Variants in PAPPA2 observed in about 807,000 individuals in gnomAD.
The protein encoded by PAPPA2 is pappalysin 2, also known as pappalysin-2.
Under a neutral mutation model 176.4 loss-of-function variants are expected in PAPPA2, and 86 were observed. The observed-to-expected ratio is 0.49, with a 90% confidence interval of 0.41 to 0.58. The LOEUF (loss-of-function observed/expected upper bound fraction) is 0.58. Among genes scored for constraint, PAPPA2 ranks in the 20% least tolerant of loss-of-function variants. The pLI is 0.00. For synonymous variants in PAPPA2, 809 were observed against 852.2 expected (o/e 0.95, Z 0.88); for missense variants, 2,073 against 2,256.9 (o/e 0.92, Z 1.65).
intron 3 of PAPPA2, among the ~76,000 whole-genome samples, chr1:176,628,946 T>C (rs1487826414): frequency 1.3e-5 from 2 of 152,248 alleles, no homozygotes; most frequent in Non-Finnish European, 2.9e-5. Flanking sequence ...TTGTGATTTA[T>C]GCTACCCATG....
chr1:176,562,036 T>G (rs1651703822), intron 2 of PAPPA2, among the ~76,000 whole-genome samples: 2 of 152,140 alleles, frequency 1.3e-5, no homozygotes, highest in Admixed American at 1.3e-4. Context: ...ATGATTCAAT[T>G]ACCTCCCACC....
In PAPPA2 at chr1:176,793,622, A is replaced by G. The variant is rs759562559; in HGVS notation, c.5083A>G (p.Ile1695Val). ...TGACCCCGTGATGCTACCTGAGAAT[A>G]TCACTGCTGACACTCTGGAGCACTG... ...PSDPVMLPEN[I>V]TADTLEHWME... The change falls in exon 20 of 23, where the codon ATC (isoleucine) becomes GTC (valine). Residue 1695 changes from isoleucine (I) to valine (V), a missense_variant. Physicochemically the swap from Ile to Val is conservative, Grantham distance 29 (BLOSUM62 3). Transcript: ENST00000367662. The G allele has an allele frequency of 7.4e-6, 12 of 1,613,148 alleles. No homozygotes were observed. The Admixed American group carries it at 8.3e-5, about 11-fold the overall frequency.
chr1:176,722,410 A>C (rs957330771), intron 12 of PAPPA2, among the ~76,000 whole-genome samples: 2 of 134,998 alleles, frequency 1.5e-5, no homozygotes, highest in African/African-American at 2.8e-5. Flanking sequence ...GTGAGCCTTT[A>C]TACATTTCCT....
chr1:176,545,268 G>C (rs1650571317), intron 1 of PAPPA2, among the ~76,000 whole-genome samples: 1 of 152,136 alleles, frequency 6.6e-6, no homozygotes, highest in South Asian at 2.1e-4. Flanking sequence ...AACAAAAAAT[G>C]CTCCTTTCAC....
chr1:176,828,287 C>T (rs1666934154), intron 21 of PAPPA2, among the ~76,000 whole-genome samples: 1 of 151,988 alleles, frequency 6.6e-6, no homozygotes, highest in Non-Finnish European at 1.5e-5. Context: ...GTTCATAAAA[C>T]CACATGTACA....
chr1:176,775,691 G>A (rs535289625), intron 17 of PAPPA2, among the ~76,000 whole-genome samples: 1 of 152,068 alleles, frequency 6.6e-6, no homozygotes, highest in South Asian at 2.1e-4. Flanking sequence ...ATCTCTGGGG[G>A]TGGGGCCCAG....
intron 2 of PAPPA2, among the ~76,000 whole-genome samples, chr1:176,565,750 T>C (rs1309421741): frequency 1.3e-5 from 2 of 152,064 alleles, no homozygotes; most frequent in African/African-American, 4.8e-5. Context: ...TTGGCCACTG[T>C]TAGCATCTGA....
intron 7 of PAPPA2, among the ~76,000 whole-genome samples, chr1:176,696,743 C>G (rs1660404578): frequency 6.6e-6 from 1 of 151,994 alleles, no homozygotes. Context: ...ACACTAGAAA[C>G]AATTAAATAA....
chr1:176,668,864 A>G (rs1241133975), intron 3 of PAPPA2, among the ~76,000 whole-genome samples: 1 of 152,190 alleles, frequency 6.6e-6, no homozygotes, highest in East Asian at 1.9e-4. Flanking sequence ...CACCAGCATG[A>G]CATAAATACT....
intron 14 of PAPPA2, among the ~76,000 whole-genome samples, chr1:176,753,582 G>C (rs546021022): frequency 6.8e-5 from 6 of 87,748 alleles, no homozygotes; most frequent in Non-Finnish European, 1.3e-4. Flanking sequence ...TTTTTTTTTG[G>C]CTTAGGGAGT....
intron 3 of PAPPA2, among the ~76,000 whole-genome samples, chr1:176,623,779 C>A (rs1655833615): frequency 9.6e-6 from 1 of 104,432 alleles, no homozygotes; most frequent in Non-Finnish European, 2.0e-5. Context: ...TTCTTTCTTT[C>A]TTTCTTTCTT....
intron 4 of PAPPA2, among the ~76,000 whole-genome samples, chr1:176,675,852 A>G (rs374266861): frequency 1.3e-4 from 20 of 152,256 alleles, no homozygotes; most frequent in African/African-American, 4.8e-4. Flanking sequence ...TTGTATTTAG[A>G]AGATATACGG....
At chr1:176,637,099 A>C (rs1447105614) in intron 3 of PAPPA2, among the ~76,000 whole-genome samples, 2 of 152,074 alleles carry the variant, frequency 1.3e-5, no homozygotes, top group African/African-American at 4.8e-5. Context: ...GATTGTAGGC[A>C]ATGGGGGATA....
chr1:176,616,433 T>A, intron 3 of PAPPA2: 1 of 649,132 alleles, frequency 1.5e-6, no homozygotes, highest in Non-Finnish European at 2.9e-6. Context: ...CACCTTCAAC[T>A]GATGCTAGGG....
chr1:176,790,626 A>T (rs1335121994), intron 18 of PAPPA2, among the ~76,000 whole-genome samples: 1 of 152,164 alleles, frequency 6.6e-6, no homozygotes, highest in East Asian at 1.9e-4. Context: ...AGAATATGGC[A>T]GAAAATGAGA....
chr1:176,740,217 CTTTT>C (rs1262063159), intron 14 of PAPPA2, 21 bp downstream of exon 14: 12 of 1,595,706 alleles, frequency 7.5e-6, no homozygotes, highest in Middle Eastern at 1.7e-4. Context: ...CCCTTTCTTT[CTTTT>C]GTTTCCTTTT....
chr1:176,582,617 T>C (rs1653054865), intron 2 of PAPPA2, among the ~76,000 whole-genome samples: 1 of 152,048 alleles, frequency 6.6e-6, no homozygotes, highest in South Asian at 2.1e-4. Context: ...TCCCACTTGA[T>C]CATAGTGTAT....
chr1:176,673,558 AC>A (rs999140737), intron 4 of PAPPA2, among the ~76,000 whole-genome samples: 5 of 152,048 alleles, frequency 3.3e-5, no homozygotes, highest in African/African-American at 1.2e-4. Context: ...TGGTTAAAAG[AC>A]CTTAAAAATT....
chr1:176,670,756 T>TA (rs1479804073), intron 3 of PAPPA2, among the ~76,000 whole-genome samples: 1 of 152,216 alleles, frequency 6.6e-6, no homozygotes, highest in Non-Finnish European at 1.5e-5. Flanking sequence ...TTTAGTGTTT[T>TA]AAAAAGTCAT....
Sources: allele counts gnomAD v4.1 joint callset (sites outside exome capture counted in the v4.1 genomes callset), GRCh38; gene constraint gnomAD v4.1.1; transcripts MANE v1.5; gene names NCBI Gene and HGNC (gene_info 2026-07-23, HGNC 2026-07-21).